STRIP2: variants seen among roughly 807,000 people sequenced by gnomAD.
STRIP2 encodes the protein striatin interacting protein 2, also known as striatin-interacting protein 2.
A neutral mutation model predicts 107.1 loss-of-function variants in STRIP2; 84 were observed. The observed-to-expected ratio is 0.78, with a 90% confidence interval of 0.66 to 0.94. The LOEUF is 0.94. Among genes scored for constraint, STRIP2 ranks in the 40% least tolerant of loss-of-function variants. STRIP2 has a pLI of 0.00. For synonymous variants in STRIP2, 394 were observed against 400.4 expected (o/e 0.98, Z 0.19); for missense variants, 888 against 1,034.2 (o/e 0.86, Z 1.94).
At chr7:129,456,137 G>A (rs1275209278) in intron 8 of STRIP2, among the ~76,000 whole-genome samples, 5 of 126,028 alleles carry the variant, frequency 4.0e-5, no homozygotes, top group Non-Finnish European at 6.7e-5. Context: ...AAAGTCGATA[G>A]TTTCTTTTTT....
intron 19 of STRIP2, among the ~76,000 whole-genome samples, chr7:129,481,583 G>T (rs1038551218): frequency 1.3e-5 from 2 of 151,774 alleles, no homozygotes; most frequent in African/African-American, 4.8e-5. Flanking sequence ...ATAAATGATG[G>T]TATGTCCTTA....
Position 129,486,395 on chromosome 7 carries a change from C to A in STRIP2, c.*566C>A, listed in dbSNP as rs1799244239. 1 of 157,070 alleles carries A rather than the reference C, an allele frequency of 6.4e-6. No homozygotes were observed. 9.7% of individuals were successfully genotyped at this position (157,070 alleles called of 1,614,324 possible). A position where few individuals can be genotyped will look rare whatever the true frequency, so the allele number is the denominator to read the frequency against. On this transcript the variant is annotated 3_prime_UTR_variant, in exon 21 of 21. Transcript: ENST00000249344. ...ATGATGATTTACTATTCCCTCAATA[C>A]TGCATGTTATCGAAAAGTGTGTTGT...
rs773034661 is a variant in STRIP2, at chr7:129,454,515, C to G, written c.694C>G (p.Arg232Gly). 10 of 1,611,756 alleles carry G rather than the reference C, an allele frequency of 6.2e-6. No homozygotes were observed. The highest frequency in any genetic ancestry group is 2.5e-6 in the Non-Finnish European group (3 of 1,177,832). ...GTGGAGAACAGCCCGGGAGACCTTC[C>G]GCACTGAATTAAGTAAGAAATGGCA... ...CGWRTARETFRTELSFSMHNE... is the reference protein window; with the variant it reads ...CGWRTARETFGTELSFSMHNE... The change falls in exon 7 of 21, where the codon CGC becomes GGC. Residue 232 changes from arginine (R) to glycine (G), a missense_variant. Physicochemically the swap from Arg to Gly is moderately radical, Grantham distance 125. Coordinates refer to ENST00000249344, the MANE Select transcript of STRIP2 (RefSeq NM_020704.3).
intron 3 of STRIP2, among the ~76,000 whole-genome samples, chr7:129,447,510 A>G (rs962869799): frequency 7.2e-5 from 11 of 152,250 alleles, no homozygotes; most frequent in Non-Finnish European, 1.5e-4. Context: ...ACTGGATCCA[A>G]TCAGCATAAT....
intron 18 of STRIP2, chr7:129,477,891 C>T (rs1214020924): frequency 5.9e-6 from 3 of 507,530 alleles, no homozygotes; most frequent in Non-Finnish European, 4.0e-6. Flanking sequence ...AAAGCTCACC[C>T]TCCTGAGTTG....
At position 129,440,103 on chromosome 7, in the gene STRIP2, A is replaced by T; in HGVS notation, c.199+12A>T. ...AGCCGAGTTGTCAGGTATGAGGTAG[A>T]TGGGTCAGTAGCTAGTGGAAGAATG... On this transcript the variant is annotated intron_variant, in intron 2 of 20. Transcript: ENST00000249344. The T allele has an allele frequency of 6.2e-7, 1 of 1,612,158 alleles. No individual in the cohort carries two copies. Among genetic ancestry groups the T allele is most frequent in the Non-Finnish European group, 8.5e-7 (1 of 1,178,196 alleles).
intron 15 of STRIP2, 45 bp from the exon 16 acceptor site, chr7:129,464,567 C>G (rs757746160): frequency 6.2e-7 from 1 of 1,611,506 alleles, no homozygotes; most frequent in Admixed American, 1.7e-5. Flanking sequence ...ACAGGGCTCC[C>G]TTTAAGGCCA....
At chr7:129,475,944 A>G (rs1798915609) in intron 18 of STRIP2, among the ~76,000 whole-genome samples, 1 of 152,098 alleles carries the variant, frequency 6.6e-6, no homozygotes, top group Non-Finnish European at 1.5e-5. Flanking sequence ...AACGAAATGG[A>G]GTCTCCCATG....
At chr7:129,481,930 G>A (rs1388976143) in intron 19 of STRIP2, among the ~76,000 whole-genome samples, 1 of 152,020 alleles carries the variant, frequency 6.6e-6, no homozygotes, top group African/African-American at 2.4e-5. Flanking sequence ...CACTTCGGAA[G>A]GCCAAGGTGG....
intron 11 of STRIP2, 88 bp from the exon 12 acceptor site, chr7:129,459,429 A>G: frequency 1.8e-6 from 2 of 1,131,590 alleles, no homozygotes; most frequent in African/African-American, 1.5e-5. Context: ...TGAAAGTAGC[A>G]TGGTCTGTTG....
chr7:129,453,872 A>G (rs1798265757), intron 5 of STRIP2, among the ~76,000 whole-genome samples: 1 of 152,174 alleles, frequency 6.6e-6, no homozygotes, highest in Non-Finnish European at 1.5e-5. Context: ...GTTTCTTAGC[A>G]TCTGTTTTAT....
At chr7:129,464,855 TC>T (rs1798633209) in intron 16 of STRIP2, 117 bp downstream of exon 16, 1 of 1,393,166 alleles carries the variant, frequency 7.2e-7, no homozygotes, top group Non-Finnish European at 9.9e-7. Flanking sequence ...CTTTTCTTTG[TC>T]CTCTCTCAGG....
At chr7:129,471,054 ATC>A (rs1263334383) in intron 18 of STRIP2, among the ~76,000 whole-genome samples, 2 of 152,218 alleles carry the variant, frequency 1.3e-5, no homozygotes, top group African/African-American at 2.4e-5. Flanking sequence ...ACAAATAATT[ATC>A]TGTCTTCTTT....
At position 129,480,811 on chromosome 7, in the gene STRIP2, C is replaced by A; in HGVS notation, c.1971C>A (p.Cys657Ter). The A allele has an allele frequency of 6.2e-7, 1 of 1,613,918 alleles. No homozygotes were observed. Among genetic ancestry groups the A allele is most frequent in the Non-Finnish European group, 8.5e-7 (1 of 1,179,890 alleles). ...AAGCTGGAGACAACAGCCAGTTCTG[C>A]TGGAGGAACCTCTTTTCCTGCATCA... ...SLEAGDNSQF[C>*]WRNLFSCINL... is the part of the protein sequence containing the mutation. Residue 657 changes from cysteine (C) to a stop codon, truncating the protein, a stop_gained, in exon 19 of 21, where the codon TGC (cysteine) becomes TGA (stop). Coordinates refer to ENST00000249344, the MANE Select transcript of STRIP2 (RefSeq NM_020704.3). LOFTEE classifies it high-confidence loss of function.
intron 13 of STRIP2, 136 bp downstream of exon 13, chr7:129,460,508 T>G: frequency 1.4e-6 from 1 of 728,956 alleles, no homozygotes; most frequent in Non-Finnish European, 2.4e-6. Context: ...GTCCCTACTT[T>G]CATGATATAT....
At chr7:129,453,788 G>A (rs537292588) in intron 5 of STRIP2, among the ~76,000 whole-genome samples, 2 of 152,302 alleles carry the variant, frequency 1.3e-5, no homozygotes, top group East Asian at 3.9e-4. Context: ...CCACTACAGT[G>A]ACCCCTTGTT....
At chr7:129,467,272 A>G (rs1562910911) in intron 16 of STRIP2, 78 bp from the exon 17 acceptor site, 1 of 1,022,186 alleles carries the variant, frequency 9.8e-7, no homozygotes, top group East Asian at 2.5e-5. Context: ...TTAGATTTGT[A>G]TTTCCTCTCT....
intron 18 of STRIP2, among the ~76,000 whole-genome samples, chr7:129,476,519 C>T (rs1226632833): frequency 1.3e-5 from 2 of 150,516 alleles, no homozygotes; most frequent in Admixed American, 6.6e-5. Flanking sequence ...CAGGCAGAGA[C>T]GCTCCTCAGC....
intron 1 of STRIP2, among the ~76,000 whole-genome samples, chr7:129,437,928 C>G (rs1351667685): frequency 6.6e-6 from 1 of 151,912 alleles, no homozygotes; most frequent in Non-Finnish European, 1.5e-5. Context: ...GCCTCAGCCT[C>G]CCGAGTAGCT....
Sources: gnomAD v4.1 joint callset for allele counts (sites outside exome capture counted in the v4.1 genomes callset) on GRCh38, gnomAD v4.1.1 for gene constraint, MANE v1.5 for transcripts, NCBI Gene and HGNC (gene_info 2026-07-23, HGNC 2026-07-21) for gene names.